Variants in PHF20 observed in about 807,000 individuals in gnomAD.
PHF20 encodes the protein glioma-expressed antigen 2.
PHF20 carries 23 observed loss-of-function variants against 113.5 expected under a neutral mutation model. That is an observed-to-expected ratio of 0.20 (90% CI 0.15 to 0.29). PHF20 has a LOEUF of 0.29. Among genes scored for constraint, PHF20 ranks in the 10% least tolerant of loss-of-function variants. The pLI is 1.00. For synonymous variants in PHF20, 434 were observed against 457.3 expected (o/e 0.95, Z 0.65); for missense variants, 943 against 1,219.6 (o/e 0.77, Z 3.38).
chr20:35,929,351 A>T (rs1417400844), intron 14 of PHF20, among the ~76,000 whole-genome samples: 1 of 152,234 alleles, frequency 6.6e-6, no homozygotes, highest in Non-Finnish European at 1.5e-5. Flanking sequence ...GTCTCCTTGT[A>T]CTAGAAGCAT....
intron 15 of PHF20, among the ~76,000 whole-genome samples, chr20:35,935,613 T>C (rs1291083059): frequency 6.6e-6 from 1 of 152,222 alleles, no homozygotes; most frequent in Non-Finnish European, 1.5e-5. Context: ...GTGCTTTGTC[T>C]GCCTCGGCCT....
intron 17 of PHF20, among the ~76,000 whole-genome samples, chr20:35,946,452 G>A (rs2378414): frequency 0.097 from 14,709 of 151,654 alleles, 759 homozygotes; most frequent in Middle Eastern, 0.15. Flanking sequence ...AAATAAATAA[G>A]TAAATAAATA....
At chr20:35,841,159 A>T (rs914027276) in intron 2 of PHF20, among the ~76,000 whole-genome samples, 1 of 152,048 alleles carries the variant, frequency 6.6e-6, no homozygotes, top group African/African-American at 2.4e-5. Context: ...AGCCTGGGCA[A>T]CGTAACAGAA....
At chr20:35,810,983 G>T (rs781289392) in intron 2 of PHF20, among the ~76,000 whole-genome samples, 1 of 152,102 alleles carries the variant, frequency 6.6e-6, no homozygotes, top group African/African-American at 2.4e-5. Flanking sequence ...GTGTCTCTCT[G>T]TGTGTGTATG....
intron 9 of PHF20, among the ~76,000 whole-genome samples, chr20:35,880,010 AAG>A (rs1031025099): frequency 1.3e-5 from 2 of 152,058 alleles, no homozygotes; most frequent in Non-Finnish European, 2.9e-5. Context: ...GAAAGAGAGA[AAG>A]AGAAAGGAGA....
rs780164709 is a variant in PHF20, at chr20:35,871,818, C to T, written c.1271C>T (p.Ser424Leu). 9.3e-6 allele frequency: 15 copies of T among 1,608,810 alleles called. No homozygotes were observed. The highest frequency in any genetic ancestry group is 6.7e-5 in the African/African-American group (5 of 74,536). ...TSPLVELQEI[S>L]TVEVTNTFKK... ...CCCCTTGTGGAATTACAAGAGATTT[C>T]GACTGTGGAAGGTTCATATTTAGAG... Residue 424 changes from serine to leucine, a missense_variant, in exon 9 of 18, where the codon TCG (serine) becomes TTG (leucine). Around this residue, in one of 3 missense-constraint regions of PHF20, gnomAD observed 592 missense variants for 787.2 expected, o/e 0.75. Transcript: ENST00000374012.
intron 2 of PHF20, among the ~76,000 whole-genome samples, chr20:35,806,342 G>A (rs1241451781): frequency 1.3e-5 from 2 of 150,578 alleles, no homozygotes; most frequent in Non-Finnish European, 2.9e-5. Flanking sequence ...TGTATTTTTA[G>A]TGGAGATGAG....
rs2055211913 is a variant in PHF20, at chr20:35,906,977, G to A, written c.1562-6272G>A. ...AGGTAGACATGGTGAAATGACAGTG[G>A]CAGACCCTGACTACCACTTCTCTGA... On this transcript the variant is annotated intron_variant, in intron 10 of 17. Coordinates refer to ENST00000374012, the MANE Select transcript of PHF20 (RefSeq NM_016436.5). Among the ~76,000 whole-genome samples the A allele has an allele frequency of 2.0e-5, 3 of 152,174 alleles. No individual in the cohort carries two copies. In the South Asian group the frequency reaches 6.2e-4, roughly 32 times the overall value.
intron 13 of PHF20, among the ~76,000 whole-genome samples, chr20:35,919,774 T>C (rs906871302): frequency 2.6e-5 from 4 of 152,236 alleles, no homozygotes; most frequent in South Asian, 2.1e-4. Context: ...ATTTGCTTTT[T>C]TGCCTTTTAT....
chr20:35,805,507 C>T lies in PHF20; in HGVS notation c.83+3902C>T, dbSNP rs182138183. Among the ~76,000 whole-genome samples the T allele has an allele frequency of 5.8e-3, 882 of 151,550 alleles. 9 individuals carry two copies. Among genetic ancestry groups the T allele is most frequent in the African/African-American group, 0.02 (825 of 41,336 alleles). Reference sequence around the variant, plus strand: ...ACGCCATTCTCCTGCCTTAGCTTCCCGGCTAATTTTTTGTAATTTTAGTAG... The same window carrying T: ...ACGCCATTCTCCTGCCTTAGCTTCCTGGCTAATTTTTTGTAATTTTAGTAG... On this transcript the variant is annotated intron_variant, in intron 2 of 17. Transcript: ENST00000374012.
At chr20:35,804,007 T>C (rs2041834931) in intron 2 of PHF20, among the ~76,000 whole-genome samples, 1 of 151,850 alleles carries the variant, frequency 6.6e-6, no homozygotes, top group South Asian at 2.1e-4. Context: ...TCTTAACTTC[T>C]GTATAGAGTT....
chr20:35,789,076 G>A (rs920824384), intron 1 of PHF20, among the ~76,000 whole-genome samples: 14 of 152,062 alleles, frequency 9.2e-5, no homozygotes, highest in Non-Finnish European at 1.9e-4. Context: ...AGTCCTTCAG[G>A]GAGGTTCCAA....
At chr20:35,837,749 G>A (rs1254831228) in intron 2 of PHF20, among the ~76,000 whole-genome samples, 1 of 152,228 alleles carries the variant, frequency 6.6e-6, no homozygotes, top group Non-Finnish European at 1.5e-5. Context: ...GAATTGGCTG[G>A]TCAGATCAAA....
chr20:35,811,117 G>T (rs952245637), intron 2 of PHF20, among the ~76,000 whole-genome samples: 1 of 152,044 alleles, frequency 6.6e-6, no homozygotes, highest in Admixed American at 6.6e-5. Context: ...CGTGATCTCG[G>T]CTCACTGCAA....
rs1235581065 is a variant in PHF20, at chr20:35,810,176, C to T, written c.83+8571C>T. ...AACTCGTGACCTCAGGTGATCTGCCCGCCTCCGCCTCCCAAAGTGCTGGGA... is the reference window on the plus strand; with the variant it reads ...AACTCGTGACCTCAGGTGATCTGCCTGCCTCCGCCTCCCAAAGTGCTGGGA... On this transcript the variant is annotated intron_variant, in intron 2 of 17. Transcript: ENST00000374012. 5.9e-5 allele frequency among the ~76,000 whole-genome samples: 9 copies of T among 152,114 alleles called. No homozygotes were observed. In the Middle Eastern group the frequency reaches 0.01, roughly 174 times the overall value.
intron 1 of PHF20, among the ~76,000 whole-genome samples, chr20:35,801,151 C>T (rs111685632): frequency 2.6e-5 from 4 of 152,264 alleles, no homozygotes; most frequent in African/African-American, 7.2e-5. Context: ...CTTAAATAGT[C>T]GCTGAGCAAA....
intron 13 of PHF20, among the ~76,000 whole-genome samples, chr20:35,926,230 ATTTTT>A (rs1186510585): frequency 1.9e-5 from 1 of 52,968 alleles, no homozygotes; most frequent in Non-Finnish European, 3.1e-5. Context: ...ACAGACTTTC[ATTTTT>A]TTTTTTTTTT....
chr20:35,823,632 CAAAAAAAAAA>C lies in PHF20; in HGVS notation c.84-18928_84-18919del, dbSNP rs34177764. On this transcript the variant is annotated intron_variant, in intron 2 of 17. Transcript: ENST00000374012. ...TGTGTGATAGAGCGAGACCCTGTCT[CAAAAAAAAAA>C]AAAAAAAAAAAAGGGGTGAAGAAAG... is the stretch of plus-strand genomic sequence containing the variant. Among the ~76,000 whole-genome samples, 10 of 53,764 alleles carry C rather than the reference CAAAAAAAAAA, an allele frequency of 1.9e-4. No individual in the cohort carries two copies. The East Asian group carries it at 4.4e-3, about 24-fold the overall frequency. 35.3% of individuals were successfully genotyped at this position (53,764 alleles called of 152,430 possible). A position where few individuals can be genotyped will look rare whatever the true frequency, so the allele number is the denominator to read the frequency against.
Position 35,863,126 on chromosome 20 carries a change from A to G in PHF20, c.534A>G (p.Lys178=). The change falls in exon 6 of 18, where the codon AAA becomes AAG. Residue 178 remains lysine (K), a synonymous_variant. Transcript: ENST00000374012. ...GAAAAGCAACAGTGAATGTGAAGAA[A>G]GACAAAGAAGATAAACCCTTAAAGA... ...EQRKATVNVK[K]DKEDKPLKTE... 6.2e-7 allele frequency: 1 copy of G among 1,613,880 alleles called. No individual in the cohort carries two copies. Among genetic ancestry groups the G allele is most frequent in the Non-Finnish European group, 8.5e-7 (1 of 1,179,964 alleles).
Sources: allele counts gnomAD v4.1 joint callset (sites outside exome capture counted in the v4.1 genomes callset), GRCh38; gene constraint gnomAD v4.1.1; regional missense constraint gnomAD v4.1.1; transcripts MANE v1.5; gene names NCBI Gene and HGNC (gene_info 2026-07-23, HGNC 2026-07-21).